Variants in PKNOX2 observed in about 807,000 individuals in gnomAD.
The protein encoded by PKNOX2 is PBX/knotted 1 homeobox 2.
Under a neutral mutation model 53.1 loss-of-function variants are expected in PKNOX2, and 14 were observed. The ratio of observed to expected loss-of-function variants is 0.26; its 90% CI spans 0.17 to 0.41. The LOEUF (loss-of-function observed/expected upper bound fraction) is 0.41, where lower values mean the gene tolerates loss of function less well. Ranked by LOEUF, PKNOX2 falls within the 10% of genes least tolerant of loss-of-function variation. PKNOX2 has a pLI of 1.00. For synonymous variants in PKNOX2, 257 were observed against 242.8 expected, an observed-to-expected ratio of 1.06 and a Z score of -0.54; for missense variants, 496 against 602.8, an observed-to-expected ratio of 0.82 and a Z score of 1.85.
At chr11:125,350,615 AAGCCCG>A (rs1237336184) in intron 3 of PKNOX2, among the ~76,000 whole-genome samples, 1 of 152,156 alleles carries the variant, frequency 6.6e-6, no homozygotes, top group Non-Finnish European at 1.5e-5. Flanking sequence ...CCATAGTCAC[AAGCCCG>A]AGTCTGGGAA....
At chr11:125,277,548 T>TG (rs1439343063) in intron 2 of PKNOX2, 6 of 152,084 alleles carry the variant, frequency 3.9e-5, no homozygotes, top group African/African-American at 7.2e-5. Flanking sequence ...GAAGCTGCAG[T>TG]GGGGTGCTCG....
chr11:125,366,547 A>T (rs1952200519), intron 4 of PKNOX2, among the ~76,000 whole-genome samples: 1 of 152,248 alleles, frequency 6.6e-6, no homozygotes, highest in Non-Finnish European at 1.5e-5. Context: ...AAAATCAATA[A>T]GCACATAAAT....
intron 2 of PKNOX2, among the ~76,000 whole-genome samples, chr11:125,305,788 G>T (rs2135980462): frequency 6.6e-6 from 1 of 152,242 alleles, no homozygotes; most frequent in South Asian, 2.1e-4. Context: ...CACTTAAATT[G>T]GATCCCAGGG....
intron 7 of PKNOX2, among the ~76,000 whole-genome samples, chr11:125,406,123 T>C (rs753799937): frequency 3.9e-5 from 6 of 152,220 alleles, no homozygotes; most frequent in African/African-American, 7.2e-5. Context: ...TGGAGTCTGA[T>C]AAGCCCTGAG....
At chr11:125,259,270 T>G (rs977603680) in intron 2 of PKNOX2, among the ~76,000 whole-genome samples, 1 of 152,164 alleles carries the variant, frequency 6.6e-6, no homozygotes, top group Admixed American at 6.5e-5. Context: ...CATTCATGCA[T>G]TCATTCATTC....
chr11:125,282,253 CATG>C (rs1946607916), intron 2 of PKNOX2, among the ~76,000 whole-genome samples: 1 of 152,234 alleles, frequency 6.6e-6, no homozygotes, highest in Admixed American at 6.5e-5. Context: ...TTTTTAGCCG[CATG>C]GCCTTGGGCT....
At chr11:125,251,770 A>G (rs1361580439) in intron 2 of PKNOX2, among the ~76,000 whole-genome samples, 1 of 122,560 alleles carries the variant, frequency 8.2e-6, no homozygotes, top group East Asian at 2.7e-4. Context: ...CTACCTCCTC[A>G]TTATATATTA....
intron 4 of PKNOX2, among the ~76,000 whole-genome samples, chr11:125,358,954 A>G (rs1213785574): frequency 1.3e-5 from 2 of 152,178 alleles, no homozygotes; most frequent in Admixed American, 1.3e-4. Context: ...GCAGGAGTCC[A>G]GTCTTCTGCG....
At chr11:125,220,728 G>A (rs917243448) in intron 1 of PKNOX2, among the ~76,000 whole-genome samples, 4 of 152,126 alleles carry the variant, frequency 2.6e-5, no homozygotes, top group African/African-American at 9.7e-5. Context: ...ATACACCAAA[G>A]CAGTATTTCT....
chr11:125,182,537 A>G (rs1956213498), intron 1 of PKNOX2, among the ~76,000 whole-genome samples: 1 of 152,218 alleles, frequency 6.6e-6, no homozygotes. Context: ...TAACTATGTC[A>G]TGGTGCTGTT....
intron 6 of PKNOX2, among the ~76,000 whole-genome samples, chr11:125,391,347 AATT>A (rs954150826): frequency 1.3e-4 from 20 of 152,334 alleles, no homozygotes; most frequent in Non-Finnish European, 2.8e-4. Context: ...AAAGGCAAGA[AATT>A]ATTATTATCA....
At chr11:125,251,785 A>ATAT (rs1565479771) in intron 2 of PKNOX2, among the ~76,000 whole-genome samples, 1 of 146,224 alleles carries the variant, frequency 6.8e-6, no homozygotes, top group African/African-American at 2.5e-5. Flanking sequence ...ATATTATATA[A>ATAT]ATATATATAT....
At chr11:125,342,619 A>G (rs1950753699) in intron 3 of PKNOX2, among the ~76,000 whole-genome samples, 1 of 152,166 alleles carries the variant, frequency 6.6e-6, no homozygotes, top group African/African-American at 2.4e-5. Context: ...TTGTTTTCTC[A>G]GCTCAGTGCC....
Position 125,165,014 on chromosome 11 carries a change from G to A in PKNOX2, c.-201+238G>A, listed in dbSNP as rs1591465316. Reference sequence around the variant, plus strand: ...GGCAGGGAGCAGCGAGGGACGGCGGGAGCGTGCAGAGAGAAGCTGGGGAAG... The same window carrying A: ...GGCAGGGAGCAGCGAGGGACGGCGGAAGCGTGCAGAGAGAAGCTGGGGAAG... On this transcript the variant is annotated intron_variant, in intron 1 of 12. Transcript: ENST00000298282. The surrounding 1 kb of genome is among the most constrained non-coding windows in gnomAD (Gnocchi z 4.5). Among the ~76,000 whole-genome samples the A allele has an allele frequency of 1.3e-5, 2 of 151,834 alleles. No homozygotes were observed. Among genetic ancestry groups the A allele is most frequent in the South Asian group, 2.1e-4 (1 of 4,814 alleles).
At chr11:125,168,327 C>T (rs1383148457) in intron 1 of PKNOX2, among the ~76,000 whole-genome samples, 7 of 152,178 alleles carry the variant, frequency 4.6e-5, no homozygotes, top group South Asian at 2.1e-4. Context: ...TGGCTTTGAC[C>T]GCATGTCATA....
Position 125,165,930 on chromosome 11 carries a change from G to C in PKNOX2, c.-201+1154G>C, listed in dbSNP as rs1954837670. ...TGGCTCCCGATCCCCAGGAAGAAAC[G>C]AGCGAAATGGGCCGTCCTTTCCCGG... On this transcript the variant is annotated intron_variant, in intron 1 of 12. Transcript: ENST00000298282. This position sits in a 1 kb window ranked among gnomAD's most constrained non-coding sequence, Gnocchi z 4.5. Among the ~76,000 whole-genome samples, 1 of 152,166 alleles carries C rather than the reference G, an allele frequency of 6.6e-6. No individual in the cohort carries two copies. Among genetic ancestry groups the C allele is most frequent in the African/African-American group, 2.4e-5 (1 of 41,446 alleles).
intron 4 of PKNOX2, among the ~76,000 whole-genome samples, chr11:125,353,720 AC>A (rs1364143842): frequency 3.3e-5 from 5 of 152,194 alleles, no homozygotes; most frequent in African/African-American, 1.2e-4. Context: ...TCTATTTGTA[AC>A]CCTGGCAATC....
chr11:125,222,071 A>C (rs1208803641), intron 1 of PKNOX2, among the ~76,000 whole-genome samples: 2 of 152,214 alleles, frequency 1.3e-5, no homozygotes, highest in Non-Finnish European at 2.9e-5. Context: ...CAGAGGGACA[A>C]GGAGAATTGG....
chr11:125,410,113 G>A, intron 7 of PKNOX2, 83 bp from the exon 8 acceptor site: 1 of 1,524,296 alleles, frequency 6.6e-7, no homozygotes, highest in Middle Eastern at 1.8e-4. Context: ...GGCAGGAAGG[G>A]GAAAGGACGG....
Sources: gnomAD v4.1 joint callset for allele counts (sites outside exome capture counted in the v4.1 genomes callset) on GRCh38, gnomAD v4.1.1 for gene constraint, Gnocchi (gnomAD v3.1) non-coding constraint, MANE v1.5 for transcripts, NCBI Gene and HGNC (gene_info 2026-07-23, HGNC 2026-07-21) for gene names.